Variants in SLC41A2 observed in about 807,000 individuals in gnomAD.
SLC41A2 encodes the protein solute carrier family 41 member 2.
A neutral mutation model predicts 58.3 loss-of-function variants in SLC41A2; 32 were observed. The ratio of observed to expected loss-of-function variants is 0.55; its 90% CI spans 0.41 to 0.74. The LOEUF is 0.74. Ranked by LOEUF, SLC41A2 falls within the 30% of genes least tolerant of loss-of-function variation. The pLI, the probability that SLC41A2 is intolerant of heterozygous loss-of-function variation, is 0.00. For missense variants in SLC41A2, 514 were observed against 680.6 expected, an observed-to-expected ratio of 0.76 and a Z score of 2.72; for synonymous variants, 190 against 235.0, an observed-to-expected ratio of 0.81 and a Z score of 1.75.
chr12:104,943,650 G>A (rs1225073897), intron 1 of SLC41A2, among the ~76,000 whole-genome samples: 1 of 152,142 alleles, frequency 6.6e-6, no homozygotes, highest in African/African-American at 2.4e-5. Flanking sequence ...AATTCAGCAG[G>A]AAGCAGTTAG....
chr12:104,951,025 T>C (rs987395539), intron 1 of SLC41A2, among the ~76,000 whole-genome samples: 3 of 152,224 alleles, frequency 2.0e-5, no homozygotes, highest in Admixed American at 2.0e-4. Flanking sequence ...ATTTGAACTT[T>C]TGTTTGAGTA....
intron 1 of SLC41A2, among the ~76,000 whole-genome samples, chr12:104,935,388 A>T (rs1454329256): frequency 8.9e-6 from 1 of 112,982 alleles, no homozygotes; most frequent in East Asian, 2.1e-4. Flanking sequence ...CAGTGAGGTG[A>T]TGTATATGTT....
chr12:104,898,270 C>T (rs1049570214), intron 3 of SLC41A2, among the ~76,000 whole-genome samples: 1 of 152,008 alleles, frequency 6.6e-6, no homozygotes, highest in African/African-American at 2.4e-5. Context: ...GTGGAATCTG[C>T]CATCTCTAGT....
rs140461458 is a variant in SLC41A2, at chr12:104,828,436, A to G, written c.1536+16036T>C. On this transcript the variant is annotated intron_variant, in intron 10 of 10. Transcript: ENST00000258538. ...ACAGAAAGCCGTCTGTCCTTGCAATAAGGCAGGAGTCTAACTGAGCTAACA... is the reference window on the plus strand; with the variant it reads ...ACAGAAAGCCGTCTGTCCTTGCAATGAGGCAGGAGTCTAACTGAGCTAACA... Among the ~76,000 whole-genome samples the G allele has an allele frequency of 2.7e-3, 406 of 152,302 alleles. 2 individuals carry two copies. Among genetic ancestry groups the G allele is most frequent in the African/African-American group, 9.2e-3 (383 of 41,566 alleles).
At position 104,890,294 on chromosome 12, in the gene SLC41A2, G is replaced by A. The variant is rs531912278; in HGVS notation, c.736-1117C>T. Among the ~76,000 whole-genome samples the A allele has an allele frequency of 2.6e-5, 4 of 152,260 alleles. No individual in the cohort carries two copies. In the South Asian group the frequency reaches 8.3e-4, roughly 32 times the overall value. On this transcript the variant is annotated intron_variant, in intron 4 of 10. Coordinates refer to ENST00000258538, the MANE Select transcript of SLC41A2 (RefSeq NM_001352171.3). ...TTGTATTAATATTACAGCTTCTGTG[G>A]ATGTCATCCACAGATACAGAGCTGA...
chr12:104,868,354 T>C (rs2043578375), intron 6 of SLC41A2, among the ~76,000 whole-genome samples: 1 of 152,202 alleles, frequency 6.6e-6, no homozygotes, highest in Admixed American at 6.5e-5. Flanking sequence ...TAGTATTTTA[T>C]TCTCAGGTCA....
chr12:104,862,710 T>C (rs1304035595), intron 7 of SLC41A2, among the ~76,000 whole-genome samples: 1 of 152,210 alleles, frequency 6.6e-6, no homozygotes, highest in Non-Finnish European at 1.5e-5. Context: ...ACAACATGTT[T>C]TGAAATATGT....
intron 10 of SLC41A2, among the ~76,000 whole-genome samples, chr12:104,817,460 ATTGT>A (rs1333055933): frequency 6.6e-6 from 1 of 152,174 alleles, no homozygotes; most frequent in African/African-American, 2.4e-5. Flanking sequence ...AAATTTTTTA[ATTGT>A]TTTTTACTTT....
At chr12:104,854,322 G>T (rs909302806) in intron 8 of SLC41A2, among the ~76,000 whole-genome samples, 3 of 152,036 alleles carry the variant, frequency 2.0e-5, no homozygotes, top group Non-Finnish European at 4.4e-5. Flanking sequence ...CCAGCACTTT[G>T]GGAGGCCGAG....
At chr12:104,943,668 A>G (rs1382767331) in intron 1 of SLC41A2, among the ~76,000 whole-genome samples, 1 of 152,164 alleles carries the variant, frequency 6.6e-6, no homozygotes, top group African/African-American at 2.4e-5. Context: ...TAGAGCGGTC[A>G]TCGGCCAACC....
chr12:104,818,384 A>AAAT (rs1417476033), intron 10 of SLC41A2, among the ~76,000 whole-genome samples: 2 of 152,226 alleles, frequency 1.3e-5, no homozygotes, highest in African/African-American at 4.8e-5. Flanking sequence ...TTAACTCAAT[A>AAAT]AATAGGTGAG....
intron 6 of SLC41A2, among the ~76,000 whole-genome samples, chr12:104,872,490 T>C (rs1313626852): frequency 2.0e-5 from 3 of 152,076 alleles, no homozygotes; most frequent in Admixed American, 1.3e-4. Context: ...TCCCAGCAAT[T>C]TGGGAGGCCG....
chr12:104,917,270 A>G (rs1335696321), intron 2 of SLC41A2, among the ~76,000 whole-genome samples: 6 of 150,930 alleles, frequency 4.0e-5, no homozygotes. Flanking sequence ...CAAAACCACA[A>G]TGAGATACCA....
intron 6 of SLC41A2, among the ~76,000 whole-genome samples, chr12:104,874,354 G>A (rs1243895742): frequency 6.6e-6 from 1 of 152,136 alleles, no homozygotes; most frequent in Admixed American, 6.5e-5. Context: ...GATTACAGGC[G>A]TGAGCCATCA....
chr12:104,933,449 G>C (rs574718393), intron 1 of SLC41A2, among the ~76,000 whole-genome samples: 1 of 152,256 alleles, frequency 6.6e-6, no homozygotes, highest in South Asian at 2.1e-4. Context: ...AATTTGTACA[G>C]CCTCTATGGA....
intron 10 of SLC41A2, among the ~76,000 whole-genome samples, chr12:104,820,028 T>C (rs1279594462): frequency 3.3e-5 from 5 of 152,220 alleles, no homozygotes; most frequent in Non-Finnish European, 7.3e-5. Context: ...CCAAATCTGC[T>C]ACAGCAAACC....
intron 10 of SLC41A2, among the ~76,000 whole-genome samples, chr12:104,842,875 G>A (rs11112208): frequency 0.49 from 74,157 of 151,838 alleles, 18,952 homozygotes; most frequent in Middle Eastern, 0.57. Flanking sequence ...TAATCCATGA[G>A]GCTAAGAGGT....
intron 1 of SLC41A2, among the ~76,000 whole-genome samples, chr12:104,942,411 G>A (rs1038407313): frequency 2.0e-5 from 3 of 149,524 alleles, no homozygotes; most frequent in Admixed American, 1.3e-4. Flanking sequence ...CTGAGAAGTC[G>A]AAGCTGTAGT....
intron 10 of SLC41A2, among the ~76,000 whole-genome samples, chr12:104,810,812 C>T (rs1387513561): frequency 6.6e-6 from 1 of 152,136 alleles, no homozygotes; most frequent in Non-Finnish European, 1.5e-5. Flanking sequence ...AGGCAAAGTC[C>T]AAGAAACCTG....
Sources: gnomAD v4.1 joint callset for allele counts (sites outside exome capture counted in the v4.1 genomes callset) on GRCh38, gnomAD v4.1.1 for gene constraint, MANE v1.5 for transcripts, NCBI Gene and HGNC (gene_info 2026-07-23, HGNC 2026-07-21) for gene names.